The following BOD1 variants were observed in gnomAD, a reference collection of about 807,000 sequenced individuals.
The protein encoded by BOD1 is biorientation of chromosomes in cell division 1.
In BOD1, 11 loss-of-function variants were observed where a neutral mutation model predicts 15.7. The ratio of observed to expected loss-of-function variants is 0.70; its 90% CI spans 0.44 to 1.16. The LOEUF is 1.16. Among genes scored for constraint, BOD1 ranks in the 50% most tolerant of loss-of-function variants. The pLI is 0.00. For missense variants in BOD1, 182 were observed against 244.5 expected (o/e 0.74, Z 1.70); for synonymous variants, 105 against 103.5 (o/e 1.01, Z -0.09).
At position 173,616,627 on chromosome 5, in the gene BOD1, GGTT is replaced by G. The variant is rs1311772309; in HGVS notation, c.-194_-192del. On this transcript the variant is annotated 5_prime_UTR_variant, in exon 1 of 4. Coordinates refer to ENST00000311086, the MANE Select transcript of BOD1 (RefSeq NM_138369.3). ...CGAAGGCCCCCTCTGATACAGCAGAGGTTGTGGTGGACGCGGCAGAAACGGCCT... is the reference window on the plus strand; with the variant it reads ...CGAAGGCCCCCTCTGATACAGCAGAGGTGGTGGACGCGGCAGAAACGGCCT... 2 of 1,321,002 alleles carry G rather than the reference GGTT, an allele frequency of 1.5e-6. No individual in the cohort carries two copies. Among genetic ancestry groups the G allele is most frequent in the Non-Finnish European group, 1.9e-6 (2 of 1,040,534 alleles). 81.8% of individuals were successfully genotyped at this position (1,321,002 alleles called of 1,614,324 possible).
chr5:173,608,039 TC>T lies in BOD1; in HGVS notation c.*254del. ...CAACCCTGGGTTGCTGTAGTGTTTC[TC>T]TCTCTGTAGTGTCTACTTGGTGTCA... On this transcript the variant is annotated 3_prime_UTR_variant, in exon 4 of 4. Transcript: ENST00000311086. The T allele has an allele frequency of 2.2e-6, 1 of 465,064 alleles. No individual in the cohort carries two copies. The highest frequency in any genetic ancestry group is 3.9e-6 in the Non-Finnish European group (1 of 257,618). 28.8% of individuals were successfully genotyped at this position (465,064 alleles called of 1,614,324 possible). A position where few individuals can be genotyped will look rare whatever the true frequency, so the allele number is the denominator to read the frequency against.
At chr5:173,609,882 A>T (rs1201233521) in intron 2 of BOD1, 1 of 162,724 alleles carries the variant, frequency 6.1e-6, no homozygotes, top group Non-Finnish European at 1.4e-5. Context: ...CCTGTTTACT[A>T]ATCCTTAAAA....
At chr5:173,613,356 C>A in intron 1 of BOD1, 101 bp from the exon 2 acceptor site, 1 of 1,355,378 alleles carries the variant, frequency 7.4e-7, no homozygotes, top group East Asian at 2.4e-5. Flanking sequence ...GTTATTAAGT[C>A]TAAATACACT....
Position 173,607,728 on chromosome 5 carries a change from T to C in BOD1, c.*566A>G, listed in dbSNP as rs2113320383. The C allele has an allele frequency of 6.5e-6, 1 of 153,414 alleles. No homozygotes were observed. The highest frequency in any genetic ancestry group is 1.5e-5 in the Non-Finnish European group (1 of 68,620). The allele number at this position is 153,414 out of a possible 1,614,324, so 9.5% of individuals were successfully genotyped here. A position where few individuals can be genotyped will look rare whatever the true frequency, so the allele number is the denominator to read the frequency against. On this transcript the variant is annotated 3_prime_UTR_variant, in exon 4 of 4. Transcript: ENST00000311086. Reference sequence around the variant, plus strand: ...CTCATACATTCTAGGATTTCATGTTTCGTTACAAAGGAAAGGAAACTGGCT... The same window carrying C: ...CTCATACATTCTAGGATTTCATGTTCCGTTACAAAGGAAAGGAAACTGGCT...
chr5:173,613,462 G>A (rs1036212708), intron 1 of BOD1, among the ~76,000 whole-genome samples: 4 of 152,072 alleles, frequency 2.6e-5, no homozygotes, highest in Non-Finnish European at 4.4e-5. Flanking sequence ...AATGCCAGGC[G>A]CTTTACTTAT....
At position 173,608,049 on chromosome 5, in the gene BOD1, G is replaced by A. The variant is rs564709272; in HGVS notation, c.*245C>T. 1.3e-5 allele frequency: 6 copies of A among 478,132 alleles called. No homozygotes were observed. The highest frequency in any genetic ancestry group is 2.3e-5 in the Non-Finnish European group (6 of 264,984). 29.6% of individuals were successfully genotyped at this position (478,132 alleles called of 1,614,324 possible). ...TTGCTGTAGTGTTTCTCTCTCTGTA[G>A]TGTCTACTTGGTGTCATGCCCTTGG... On this transcript the variant is annotated 3_prime_UTR_variant, in exon 4 of 4. Coordinates refer to ENST00000311086, the MANE Select transcript of BOD1 (RefSeq NM_138369.3).
At chr5:173,614,173 C>T (rs1477548656) in intron 1 of BOD1, among the ~76,000 whole-genome samples, 2 of 152,220 alleles carry the variant, frequency 1.3e-5, no homozygotes, top group Non-Finnish European at 2.9e-5. Context: ...AGAGTTTGTT[C>T]GTTCAATCCT....
Position 173,607,322 on chromosome 5 carries a change from A to G in BOD1, c.*972T>C, listed in dbSNP as rs1468639206. Among the ~76,000 whole-genome samples, 1 of 152,214 alleles carries G rather than the reference A, an allele frequency of 6.6e-6. No homozygotes were observed. Among genetic ancestry groups the G allele is most frequent in the African/African-American group, 2.4e-5 (1 of 41,442 alleles). On this transcript the variant is annotated 3_prime_UTR_variant, in exon 4 of 4. Coordinates refer to ENST00000311086, the MANE Select transcript of BOD1 (RefSeq NM_138369.3). ...CAAACACTGACACATACCACGGACT[A>G]CCTCAACTAAAGACCAGTGTCAGTA...
intron 1 of BOD1, among the ~76,000 whole-genome samples, chr5:173,614,468 T>C (rs1385409578): frequency 6.6e-6 from 1 of 152,206 alleles, no homozygotes; most frequent in African/African-American, 2.4e-5. Context: ...CCTCCACCTG[T>C]TCACTTATCA....
At chr5:173,615,127 GT>G (rs1210592629) in intron 1 of BOD1, among the ~76,000 whole-genome samples, 1 of 152,174 alleles carries the variant, frequency 6.6e-6, no homozygotes, top group African/African-American at 2.4e-5. Context: ...AAATTACTTT[GT>G]TTCAAGGACA....
Position 173,616,360 on chromosome 5 carries a change from G to A in BOD1, c.77C>T (p.Ala26Val), listed in dbSNP as rs766785149. The A allele has an allele frequency of 2.0e-6, 3 of 1,526,664 alleles. No individual in the cohort carries two copies. Among genetic ancestry groups the A allele is most frequent in the Non-Finnish European group, 2.6e-6 (3 of 1,143,516 alleles). 94.6% of individuals were successfully genotyped at this position (1,526,664 alleles called of 1,614,324 possible). A position where few individuals can be genotyped will look rare whatever the true frequency, so the allele number is the denominator to read the frequency against. Residue 26 changes from alanine (A) to valine (V), a missense_variant, in exon 1 of 4, where the codon GCG becomes GTG. Ala to Val is a moderately conservative substitution (Grantham distance 64). This residue lies in a region of BOD1 where 72 missense variants were observed against 68.9 expected (regional missense o/e 1.05). Coordinates refer to ENST00000311086, the MANE Select transcript of BOD1 (RefSeq NM_138369.3). ...CCCGCTGGCCCCAGTAGCGCCAGTC[G>A]CTGCCCCGGCAGAGGCCTGGCTAGT... ...GGTSQASAGA[A>V]TGATGASGGG...
rs74948840 is a variant in BOD1 at position 173,608,749 on chromosome 5, T to G, written c.*2-457A>C. On this transcript the variant is annotated intron_variant, in intron 3 of 3. Transcript: ENST00000311086. ...TTAATTTAAAAAGGGGGAGTGTTCC[T>G]AACAGAAGAATCCCATGGTAATTGA... Among the ~76,000 whole-genome samples the G allele has an allele frequency of 2.4e-3, 363 of 152,348 alleles. 1 individual carries two copies. Among genetic ancestry groups the G allele is most frequent in the African/African-American group, 8.3e-3 (344 of 41,576 alleles).
rs1238795081 is a variant in BOD1, at chr5:173,607,588, C to T, written c.*706G>A. 2 of 152,282 alleles carry T rather than the reference C, an allele frequency of 1.3e-5. No individual in the cohort carries two copies. The highest frequency in any genetic ancestry group is 2.1e-4 in the South Asian group (1 of 4,826). The allele number at this position is 152,282 out of a possible 1,614,324, so 9.4% of individuals were successfully genotyped here. ...TTGACCATTCACTTTTCTAAAAAAACACAAATGTGAGAATAAAATAAACAT... is the reference window on the plus strand; with the variant it reads ...TTGACCATTCACTTTTCTAAAAAAATACAAATGTGAGAATAAAATAAACAT... On this transcript the variant is annotated 3_prime_UTR_variant, in exon 4 of 4. Coordinates refer to ENST00000311086, the MANE Select transcript of BOD1 (RefSeq NM_138369.3).
chr5:173,612,325 C>A lies in BOD1; in HGVS notation c.362+806G>T, dbSNP rs540200828. On this transcript the variant is annotated intron_variant, in intron 2 of 3. Coordinates refer to ENST00000311086, the MANE Select transcript of BOD1 (RefSeq NM_138369.3). The stretch of plus-strand genomic sequence containing the variant: ...TTGCGTAACTAGTGCAATATCAAAA[C>A]CAGGAAAATGACACTGGTCCAATCC... Among the ~76,000 whole-genome samples the A allele has an allele frequency of 3.9e-5, 6 of 152,334 alleles. No homozygotes were observed. In the South Asian group the frequency reaches 1.2e-3, roughly 32 times the overall value.
intron 1 of BOD1, among the ~76,000 whole-genome samples, chr5:173,614,410 CA>C (rs1755437947): frequency 6.6e-6 from 1 of 152,198 alleles, no homozygotes; most frequent in African/African-American, 2.4e-5. Context: ...TTCAAGAAGT[CA>C]AAGGAACTCA....
intron 1 of BOD1, among the ~76,000 whole-genome samples, chr5:173,615,035 G>A (rs994314327): frequency 1.4e-4 from 22 of 152,162 alleles, no homozygotes; most frequent in African/African-American, 5.3e-4. Context: ...AAAACCTAAC[G>A]GAATATAAGA....
chr5:173,610,039 T>C (rs1184181727), intron 2 of BOD1, among the ~76,000 whole-genome samples: 2 of 152,216 alleles, frequency 1.3e-5, no homozygotes, highest in African/African-American at 4.8e-5. Flanking sequence ...TCCAAGCTCC[T>C]AGAGGGCTAA....
chr5:173,612,402 C>T (rs990698126), intron 2 of BOD1, among the ~76,000 whole-genome samples: 6 of 152,264 alleles, frequency 3.9e-5, no homozygotes, highest in South Asian at 2.1e-4. Context: ...TGTGTAGCTC[C>T]GTGCGACTTT....
At chr5:173,614,846 T>C (rs1463807777) in intron 1 of BOD1, 4 of 152,254 alleles carry the variant, frequency 2.6e-5, no homozygotes. Context: ...AAACCTCAGG[T>C]AGTACTGAAC....
Sources: gnomAD v4.1 joint callset for allele counts (sites outside exome capture counted in the v4.1 genomes callset) on GRCh38, gnomAD v4.1.1 for gene constraint, gnomAD v4.1.1 regional missense constraint, MANE v1.5 for transcripts, NCBI Gene and HGNC (gene_info 2026-07-23, HGNC 2026-07-21) for gene names.